FANCA: variants seen among roughly 807,000 people sequenced by gnomAD.
FANCA encodes the protein Fanconi anemia group A protein.
A neutral mutation model predicts 194.3 loss-of-function variants in FANCA; 236 were observed. That is an observed-to-expected ratio of 1.21 (90% CI 1.09 to 1.35). FANCA has a LOEUF of 1.35. Ranked by LOEUF, FANCA falls within the 40% of genes most tolerant of loss-of-function variation. The pLI, the probability that FANCA is intolerant of heterozygous loss-of-function variation, is 0.00. For synonymous variants in FANCA, 1,014 were observed against 715.8 expected, an observed-to-expected ratio of 1.42 and a Z score of -6.65; for missense variants, 2,628 against 1,813.9, an observed-to-expected ratio of 1.45 and a Z score of -8.15.
chr16:89,789,436 C>CTTT (rs532159256), intron 14 of FANCA, among the ~76,000 whole-genome samples: 8 of 102,556 alleles, frequency 7.8e-5, no homozygotes, highest in Non-Finnish European at 1.1e-4. Context: ...AAACTCAATA[C>CTTT]TTTTTTTTTT....
At position 89,738,020 on chromosome 16, in the gene FANCA, A is replaced by G; in HGVS notation, c.*581T>C. The G allele has an allele frequency of 6.2e-7, 1 of 1,614,122 alleles. No individual in the cohort carries two copies. Among genetic ancestry groups the G allele is most frequent in the Non-Finnish European group, 8.5e-7 (1 of 1,180,036 alleles). On this transcript the variant is annotated 3_prime_UTR_variant, in exon 43 of 43. Coordinates refer to ENST00000389301, the MANE Select transcript of FANCA (RefSeq NM_000135.4). ...CAGTGCAGGCAGCGGGCATCCCTCAAGTACCACATGACCAAACACAAGGCT... is the reference window on the plus strand; with the variant it reads ...CAGTGCAGGCAGCGGGCATCCCTCAGGTACCACATGACCAAACACAAGGCT...
Position 89,738,976 on chromosome 16 carries a change from T to C in FANCA, c.4168-2A>G, listed in dbSNP as rs1220672299. The C allele has an allele frequency of 6.2e-7, 1 of 1,614,204 alleles. No individual in the cohort carries two copies. Among genetic ancestry groups the C allele is most frequent in the East Asian group, 2.2e-5 (1 of 44,880 alleles). On this transcript the variant is annotated splice_acceptor_variant, in intron 41 of 42. Transcript: ENST00000389301. LOFTEE classifies it high-confidence loss of function. ...TGTTATCAGTTCCACGGGGTTGCCC[T>C]AGAGAGAAAACAGGCAAACTCACAG...
At chr16:89,752,371 C>T in intron 30 of FANCA, 149 bp from the exon 31 acceptor site, 1 of 737,992 alleles carries the variant, frequency 1.4e-6, no homozygotes, top group Non-Finnish European at 2.4e-6. Context: ...ACAAAAACTG[C>T]CACAAAATAC....
At chr16:89,768,748 T>G (rs2039216525) in intron 26 of FANCA, among the ~76,000 whole-genome samples, 1 of 152,126 alleles carries the variant, frequency 6.6e-6, no homozygotes, top group Non-Finnish European at 1.5e-5. Context: ...AAAAGTAGCA[T>G]CTGAGACCGA....
At chr16:89,797,706 C>G (rs1036700831) in intron 10 of FANCA, among the ~76,000 whole-genome samples, 1 of 152,064 alleles carries the variant, frequency 6.6e-6, no homozygotes, top group South Asian at 2.1e-4. Context: ...TAGTGAAACC[C>G]CATGTCTACT....
intron 11 of FANCA, among the ~76,000 whole-genome samples, chr16:89,793,094 G>C (rs2040132222): frequency 6.6e-6 from 1 of 152,150 alleles, no homozygotes. Context: ...GATAACTGTG[G>C]GTGAGCCTGA....
At chr16:89,777,067 G>A (rs2039531533) in intron 20 of FANCA, among the ~76,000 whole-genome samples, 1 of 152,092 alleles carries the variant, frequency 6.6e-6, no homozygotes. Flanking sequence ...CAAAATGGCT[G>A]GGTGTGGTGG....
At chr16:89,815,650 C>G (rs1438243643) in intron 2 of FANCA, among the ~76,000 whole-genome samples, 1 of 152,190 alleles carries the variant, frequency 6.6e-6, no homozygotes, top group Non-Finnish European at 1.5e-5. Context: ...GCCACGGCGC[C>G]CGGCCTGTTT....
chr16:89,771,757 T>C lies in FANCA; in HGVS notation c.2072A>G (p.Asn691Ser), dbSNP rs367880372. Residue 691 changes from asparagine (N) to serine (S), a missense_variant, in exon 23 of 43, where the codon AAT becomes AGT. Physicochemically the swap from Asn to Ser is conservative, Grantham distance 46. Coordinates refer to ENST00000389301, the MANE Select transcript of FANCA (RefSeq NM_000135.4). ...TATCTCAACGCTGCTGTCATCCTCA[T>C]TGTGGCCCAGGACAGCCCTCAGTCT... ...SERLRAVLGH[N>S]EDDSSVEISK... 93 of 1,613,998 alleles carry C rather than the reference T, an allele frequency of 5.8e-5. 1 individual carries two copies. Among genetic ancestry groups the C allele is most frequent in the Admixed American group, 3.7e-4 (22 of 59,992 alleles).
intron 31 of FANCA, among the ~76,000 whole-genome samples, chr16:89,750,715 G>T (rs1171406729): frequency 6.6e-6 from 1 of 152,102 alleles, no homozygotes; most frequent in Non-Finnish European, 1.5e-5. Flanking sequence ...AGAGGCTGCA[G>T]TGAGCCAAGA....
At chr16:89,815,494 T>C (rs1416518102) in intron 2 of FANCA, among the ~76,000 whole-genome samples, 1 of 151,652 alleles carries the variant, frequency 6.6e-6, no homozygotes, top group African/African-American at 2.4e-5. Flanking sequence ...TAGCTGGGAT[T>C]AAAGGCGTGC....
intron 36 of FANCA, among the ~76,000 whole-genome samples, chr16:89,743,580 T>G (rs1412608754): frequency 6.6e-6 from 1 of 152,158 alleles, no homozygotes; most frequent in East Asian, 1.9e-4. Flanking sequence ...TCCCAGCACT[T>G]TGGGAGGCTG....
intron 8 of FANCA, among the ~76,000 whole-genome samples, chr16:89,800,352 T>A (rs1004094306): frequency 2.0e-5 from 3 of 152,106 alleles, no homozygotes; most frequent in African/African-American, 4.8e-5. Context: ...ATACCACTAC[T>A]CAGAGAGCAA....
chr16:89,796,919 G>A (rs1453016888), intron 10 of FANCA, among the ~76,000 whole-genome samples: 1 of 152,104 alleles, frequency 6.6e-6, no homozygotes, highest in Non-Finnish European at 1.5e-5. Flanking sequence ...AGCACTTTGG[G>A]AGGCCAAGGG....
chr16:89,760,594 T>G (rs2376882), intron 29 of FANCA, among the ~76,000 whole-genome samples: 1 of 151,724 alleles, frequency 6.6e-6, no homozygotes. Context: ...TCCACACCCT[T>G]AAACCCAACG....
intron 6 of FANCA, among the ~76,000 whole-genome samples, chr16:89,805,962 G>A (rs151154274): frequency 6.6e-6 from 1 of 151,636 alleles, no homozygotes; most frequent in African/African-American, 2.4e-5. Context: ...ATCCAGGCTG[G>A]AGTGCAATGG....
At chr16:89,754,170 C>T (rs141706072) in intron 30 of FANCA, among the ~76,000 whole-genome samples, 1 of 151,306 alleles carries the variant, frequency 6.6e-6, no homozygotes, top group African/African-American at 2.4e-5. Context: ...TTCGGTAAGC[C>T]GAGATTGCAC....
intron 3 of FANCA, 147 bp downstream of exon 3, chr16:89,814,373 A>G: frequency 1.6e-6 from 1 of 608,736 alleles, no homozygotes; most frequent in Non-Finnish European, 2.9e-6. Context: ...CAAGTCACAC[A>G]AACATCCCAT....
intron 22 of FANCA, among the ~76,000 whole-genome samples, chr16:89,772,776 G>A (rs1363332373): frequency 1.3e-5 from 2 of 151,386 alleles, no homozygotes; most frequent in Non-Finnish European, 2.9e-5. Context: ...CCGAGATGGC[G>A]CCACTGCACT....
Sources: allele counts gnomAD v4.1 joint callset (sites outside exome capture counted in the v4.1 genomes callset), GRCh38; gene constraint gnomAD v4.1.1; transcripts MANE v1.5; gene names NCBI Gene and HGNC (gene_info 2026-07-23, HGNC 2026-07-21).